Variants in SPAG16 observed in about 807,000 individuals in gnomAD.
The protein encoded by SPAG16 is sperm-associated antigen 16 protein.
A neutral mutation model predicts 80.4 loss-of-function variants in SPAG16; 86 were observed. The observed-to-expected ratio is 1.07, with a 90% CI of 0.90 to 1.28. The LOEUF is 1.28. SPAG16 is among the 50% of genes most tolerant of loss of function. The pLI is 0.00. For synonymous variants in SPAG16, 294 were observed against 265.9 expected (o/e 1.11, Z -1.03); for missense variants, 870 against 765.3 (o/e 1.14, Z -1.61).
At chr2:214,158,151 C>T (rs932962684) in intron 15 of SPAG16, among the ~76,000 whole-genome samples, 8 of 152,090 alleles carry the variant, frequency 5.3e-5, no homozygotes, top group Non-Finnish European at 7.4e-5. Context: ...GATTAGGTGA[C>T]GTTATCAATT....
At chr2:213,393,699 A>G (rs1262274097) in intron 9 of SPAG16, among the ~76,000 whole-genome samples, 1 of 151,922 alleles carries the variant, frequency 6.6e-6, no homozygotes, top group African/African-American at 2.4e-5. Context: ...TTTTTTTTCA[A>G]ACCAGTTGAA....
At chr2:213,728,010 G>C (rs909929357) in intron 10 of SPAG16, among the ~76,000 whole-genome samples, 1 of 151,884 alleles carries the variant, frequency 6.6e-6, no homozygotes, top group Non-Finnish European at 1.5e-5. Context: ...CACCACTCTC[G>C]GTTAATTTTT....
chr2:213,794,683 T>TA (rs2070915120), intron 10 of SPAG16, among the ~76,000 whole-genome samples: 1 of 152,180 alleles, frequency 6.6e-6, no homozygotes, highest in Non-Finnish European at 1.5e-5. Flanking sequence ...TTTTGTTTAG[T>TA]AACTTTGTTA....
chr2:213,317,777 T>C, intron 5 of SPAG16: 1 of 969,700 alleles, frequency 1.0e-6, no homozygotes, highest in Non-Finnish European at 1.2e-6. Context: ...AGGAATAATA[T>C]AAACTGTGGA....
At chr2:213,875,950 G>T (rs2076125218) in intron 11 of SPAG16, among the ~76,000 whole-genome samples, 1 of 94,814 alleles carries the variant, frequency 1.1e-5, no homozygotes, top group African/African-American at 2.8e-5. Flanking sequence ...CATTTGGGAA[G>T]CTGTGACATC....
At chr2:213,948,722 G>A (rs1268903299) in intron 12 of SPAG16, among the ~76,000 whole-genome samples, 17 of 151,922 alleles carry the variant, frequency 1.1e-4, no homozygotes, top group Admixed American at 8.5e-4. Flanking sequence ...CTAATCTGAT[G>A]CCATATTATT....
intron 15 of SPAG16, among the ~76,000 whole-genome samples, chr2:214,268,572 C>G (rs1454050641): frequency 2.0e-5 from 3 of 151,784 alleles, no homozygotes; most frequent in Non-Finnish European, 4.4e-5. Context: ...TATGTAGGAC[C>G]AACCATGTCA....
At chr2:213,932,199 T>TTTGTTGTTG (rs1201922748) in intron 12 of SPAG16, among the ~76,000 whole-genome samples, 2 of 136,978 alleles carry the variant, frequency 1.5e-5, no homozygotes, top group Admixed American at 7.5e-5. Context: ...TATATATATA[T>TTTGTTGTTG]TTGTTGTTGT....
chr2:213,838,000 A>C (rs187200208), intron 10 of SPAG16, among the ~76,000 whole-genome samples: 10 of 152,224 alleles, frequency 6.6e-5, no homozygotes, highest in Admixed American at 5.9e-4. Context: ...CCTGTCTCCA[A>C]CGTCATATTT....
intron 10 of SPAG16, among the ~76,000 whole-genome samples, chr2:213,842,254 T>C (rs1172695958): frequency 6.6e-6 from 1 of 152,184 alleles, no homozygotes; most frequent in African/African-American, 2.4e-5. Flanking sequence ...TTAAGTCTAA[T>C]AACATATCGT....
At chr2:213,702,325 T>G (rs959992624) in intron 10 of SPAG16, among the ~76,000 whole-genome samples, 28 of 152,240 alleles carry the variant, frequency 1.8e-4, no homozygotes, top group African/African-American at 6.3e-4. Context: ...CGCTTGGGTC[T>G]CTTTTCATGC....
chr2:213,447,307 TATG>T (rs768459825), intron 9 of SPAG16, among the ~76,000 whole-genome samples: 79 of 152,278 alleles, frequency 5.2e-4, no homozygotes, highest in Non-Finnish European at 1.0e-3. Flanking sequence ...CAAGGCCTCA[TATG>T]ATATTCCCCA....
intron 13 of SPAG16, among the ~76,000 whole-genome samples, chr2:214,074,637 A>G (rs1002858815): frequency 2.6e-5 from 4 of 152,186 alleles, no homozygotes; most frequent in Non-Finnish European, 5.9e-5. Context: ...GAGTGGGAGA[A>G]AATACCTGAA....
At chr2:213,428,618 C>G (rs1372114689) in intron 9 of SPAG16, among the ~76,000 whole-genome samples, 1 of 152,140 alleles carries the variant, frequency 6.6e-6, no homozygotes, top group Non-Finnish European at 1.5e-5. Flanking sequence ...TAATAGGGCT[C>G]TCTCCCTTCG....
chr2:213,777,407 C>A (rs1310031424), intron 10 of SPAG16, among the ~76,000 whole-genome samples: 1 of 151,172 alleles, frequency 6.6e-6, no homozygotes, highest in East Asian at 1.9e-4. Flanking sequence ...CCACAACGCC[C>A]AACTAATTTT....
At chr2:213,752,984 C>T (rs1221826477) in intron 10 of SPAG16, among the ~76,000 whole-genome samples, 1 of 152,150 alleles carries the variant, frequency 6.6e-6, no homozygotes, top group Non-Finnish European at 1.5e-5. Flanking sequence ...TTAGTCAATT[C>T]TATGCTAACT....
At chr2:213,714,555 A>G (rs898476322) in intron 10 of SPAG16, among the ~76,000 whole-genome samples, 2 of 152,176 alleles carry the variant, frequency 1.3e-5, no homozygotes, top group African/African-American at 4.8e-5. Flanking sequence ...TAATTACTAA[A>G]TTACTAAACT....
chr2:213,610,933 G>A (rs2125016690), intron 10 of SPAG16, among the ~76,000 whole-genome samples: 1 of 152,292 alleles, frequency 6.6e-6, no homozygotes, highest in East Asian at 1.9e-4. Flanking sequence ...ACACTCCCAA[G>A]TCTGGGTCTA....
At chr2:213,871,068 A>G (rs1233947621) in intron 11 of SPAG16, among the ~76,000 whole-genome samples, 1 of 152,172 alleles carries the variant, frequency 6.6e-6, no homozygotes, top group African/African-American at 2.4e-5. Context: ...ACATACACAA[A>G]CACACACACA....
Sources: gnomAD v4.1 joint callset for allele counts (sites outside exome capture counted in the v4.1 genomes callset) on GRCh38, gnomAD v4.1.1 for gene constraint, MANE v1.5 for transcripts, NCBI Gene and HGNC (gene_info 2026-07-23, HGNC 2026-07-21) for gene names.